SRPRA: variants seen among roughly 807,000 people sequenced by gnomAD.
The protein encoded by SRPRA is signal recognition particle receptor subunit alpha.
A neutral mutation model predicts 61.1 loss-of-function variants in SRPRA; 30 were observed. That is an observed-to-expected ratio of 0.49 (90% CI 0.37 to 0.67). The LOEUF (loss-of-function observed/expected upper bound fraction) is 0.67. SRPRA is among the 30% of genes least tolerant of loss of function. SRPRA has a pLI of 0.00. For missense variants in SRPRA, 759 were observed against 828.4 expected, an observed-to-expected ratio of 0.92 and a Z score of 1.03; for synonymous variants, 324 against 299.7, an observed-to-expected ratio of 1.08 and a Z score of -0.84.
chr11:126,265,986 T>C lies in SRPRA; in HGVS notation c.1028A>G (p.Asp343Gly). The change falls in exon 8 of 14, where the codon GAC becomes GGC. Residue 343 changes from aspartate to glycine, a missense_variant. By Grantham distance (94) the Asp-to-Gly change is moderately conservative. This residue lies in a region of SRPRA where 475 missense variants were observed against 462.5 expected (regional missense o/e 1.03). Transcript: ENST00000332118. The surrounding 1 kb of genome is among the most constrained non-coding windows in gnomAD (Gnocchi z 6.3). ...ACCAATGAGATGATCACGCATCTTGTCCAGCACAGATTCCATGTCTTCACG... is the reference window on the plus strand; with the variant it reads ...ACCAATGAGATGATCACGCATCTTGCCCAGCACAGATTCCATGTCTTCACG... ...LSREDMESVLDKMRDHLIAKN... is the reference protein window; with the variant it reads ...LSREDMESVLGKMRDHLIAKN... 1 of 1,614,178 alleles carries C rather than the reference T, an allele frequency of 6.2e-7. No homozygotes were observed. Among genetic ancestry groups the C allele is most frequent in the Non-Finnish European group, 8.5e-7 (1 of 1,180,036 alleles).
chr11:126,237,078 G>A, the SRPRA span, among the ~76,000 whole-genome samples: 681 of 150,124 alleles, frequency 4.5e-3, 3 homozygotes, highest in Non-Finnish European at 6.1e-3. Context: ...CACCATGCCC[G>A]GCTAATTTTT....
chr11:126,251,566 A>T, the SRPRA span, among the ~76,000 whole-genome samples: 1 of 152,158 alleles, frequency 6.6e-6, no homozygotes, highest in African/African-American at 2.4e-5. Context: ...TCTTCCGCCT[A>T]CGCCCTCATA....
rs765688800 is a variant in SRPRA at position 126,264,081 on chromosome 11, C to A, written c.1789-37G>T. On this transcript the variant is annotated intron_variant, in intron 13 of 13. Transcript: ENST00000332118. This position sits in a 1 kb window ranked among gnomAD's most constrained non-coding sequence, Gnocchi z 5.0. ...AAGAGGACAGCCCATCAACACAAGC[C>A]CACTTTTCACTCACCCTCTCAGGAA... 6.2e-7 allele frequency: 1 copy of A among 1,613,784 alleles called. No homozygotes were observed.
At chr11:126,261,568 C>A, downstream of SRPRA, 1 of 1,167,118 alleles carries the variant, frequency 8.6e-7, no homozygotes, top group Non-Finnish European at 1.3e-6. Context: ...GAGAATGTTA[C>A]TTTGGACCTC....
chr11:126,264,297 GAA>G lies in SRPRA; in HGVS notation c.1690-10_1690-9del, dbSNP rs1252084337. ...GGCTCTGTTGAACTTGACCTGGAAA[GAA>G]AAAGTGATAGAAGTGTAAGAACCAT... is the stretch of plus-strand genomic sequence containing the variant. On this transcript the variant is annotated splice_polypyrimidine_tract_variant and intron_variant, in intron 12 of 13. Coordinates refer to ENST00000332118, the MANE Select transcript of SRPRA (RefSeq NM_003139.4). The surrounding 1 kb of genome is among the most constrained non-coding windows in gnomAD (Gnocchi z 5.0). The G allele has an allele frequency of 6.2e-7, 1 of 1,613,152 alleles. No homozygotes were observed.
At chr11:126,240,074 T>C in the SRPRA span, among the ~76,000 whole-genome samples, 1 of 152,016 alleles carries the variant, frequency 6.6e-6, no homozygotes, top group Non-Finnish European at 1.5e-5. Context: ...GTCTCCAGAA[T>C]GAAAGAGAGG....
the SRPRA span, among the ~76,000 whole-genome samples, chr11:126,249,297 A>C: frequency 6.6e-6 from 1 of 152,214 alleles, no homozygotes; most frequent in Non-Finnish European, 1.5e-5. Context: ...AATTTAAAAA[A>C]CGTATTAAAT....
chr11:126,250,634 A>C, the SRPRA span: 1 of 1,614,138 alleles, frequency 6.2e-7, no homozygotes, highest in East Asian at 2.2e-5. This position sits in a 1 kb window ranked among gnomAD's most constrained non-coding sequence, Gnocchi z 5.1. Flanking sequence ...TGGAAAATGG[A>C]GCCCTCGTAT....
chr11:126,256,867 G>T, the SRPRA span: 1 of 1,598,656 alleles, frequency 6.3e-7, no homozygotes, highest in Non-Finnish European at 8.5e-7. This position sits in a 1 kb window ranked among gnomAD's most constrained non-coding sequence, Gnocchi z 6.6. Flanking sequence ...GATGCATTTT[G>T]AAGCTGAGGG....
At chr11:126,256,795 G>A in the SRPRA span, 4 of 1,612,192 alleles carry the variant, frequency 2.5e-6, no homozygotes, top group Non-Finnish European at 2.5e-6. This position sits in a 1 kb window ranked among gnomAD's most constrained non-coding sequence, Gnocchi z 6.6. Context: ...TGACTATGCC[G>A]ATCTTCCAGA....
the SRPRA span, among the ~76,000 whole-genome samples, chr11:126,257,572 A>T: frequency 1.3e-5 from 2 of 151,438 alleles, no homozygotes; most frequent in Non-Finnish European, 2.9e-5. Flanking sequence ...GGTTGTAAAT[A>T]CCATGGTCAG....
chr11:126,246,781 T>A, the SRPRA span, among the ~76,000 whole-genome samples: 1 of 152,142 alleles, frequency 6.6e-6, no homozygotes, highest in Non-Finnish European at 1.5e-5. Flanking sequence ...TAGAAGGAAA[T>A]GAAGGTCACT....
chr11:126,267,064 A>G lies in SRPRA; in HGVS notation c.526+111T>C. ...AAGGCCTGGGGATTATAGGATGGTGACCATTTGAGTGAGAAGCAGGTAAGC... is the reference window on the plus strand; with the variant it reads ...AAGGCCTGGGGATTATAGGATGGTGGCCATTTGAGTGAGAAGCAGGTAAGC... On this transcript the variant is annotated intron_variant, in intron 4 of 13. Transcript: ENST00000332118. The surrounding 1 kb of genome is among the most constrained non-coding windows in gnomAD (Gnocchi z 4.2). The G allele has an allele frequency of 6.5e-7, 1 of 1,527,350 alleles. No homozygotes were observed. Among genetic ancestry groups the G allele is most frequent in the Non-Finnish European group, 8.8e-7 (1 of 1,131,164 alleles). The allele number at this position is 1,527,350 out of a possible 1,614,324, so 94.6% of individuals were successfully genotyped here.
chr11:126,244,735 A>G, the SRPRA span, among the ~76,000 whole-genome samples: 124,615 of 152,094 alleles, frequency 0.82, 51,325 homozygotes, highest in East Asian at 1. The surrounding 1 kb of genome is among the most constrained non-coding windows in gnomAD (Gnocchi z 4.5). Context: ...ACCTGGGAGC[A>G]GAGGTTGCAG....
At position 126,264,617 on chromosome 11, in the gene SRPRA, T is replaced by G. The variant is rs868028518; in HGVS notation, c.1526-78A>C. The G allele has an allele frequency of 2.0e-6, 3 of 1,522,324 alleles. No individual in the cohort carries two copies. Among genetic ancestry groups the G allele is most frequent in the Non-Finnish European group, 2.7e-6 (3 of 1,121,476 alleles). 94.3% of individuals were successfully genotyped at this position (1,522,324 alleles called of 1,614,324 possible). A position where few individuals can be genotyped will look rare whatever the true frequency, so the allele number is the denominator to read the frequency against. ...TTCCCAGCTTCCTCTCAAAAAGTCC[T>G]AGTTTGACTACCTGTTCACTGTCTT... is the stretch of plus-strand genomic sequence containing the variant. On this transcript the variant is annotated intron_variant, in intron 11 of 13. Transcript: ENST00000332118. The surrounding 1 kb of genome is among the most constrained non-coding windows in gnomAD (Gnocchi z 5.0).
rs1950771038 is a variant in SRPRA at position 126,264,635 on chromosome 11, A to G, written c.1526-96T>C. ...AAAGTCCTAGTTTGACTACCTGTTC[A>G]CTGTCTTGGGCTCTGGATTTGGTTC... On this transcript the variant is annotated intron_variant, in intron 11 of 13. Coordinates refer to ENST00000332118, the MANE Select transcript of SRPRA (RefSeq NM_003139.4). The surrounding 1 kb of genome is among the most constrained non-coding windows in gnomAD (Gnocchi z 5.0). The G allele has an allele frequency of 7.0e-7, 1 of 1,432,572 alleles. No homozygotes were observed. Among genetic ancestry groups the G allele is most frequent in the Non-Finnish European group, 9.5e-7 (1 of 1,053,118 alleles). The allele number at this position is 1,432,572 out of a possible 1,614,324, so 88.7% of individuals were successfully genotyped here.
the SRPRA span, among the ~76,000 whole-genome samples, chr11:126,247,338 G>T: frequency 6.6e-6 from 1 of 152,134 alleles, no homozygotes; most frequent in Non-Finnish European, 1.5e-5. Flanking sequence ...AATCAATGCA[G>T]TTGCAGAATC....
At chr11:126,266,148 G>A in intron 7 of SRPRA, 39 bp downstream of exon 7, 1 of 1,612,352 alleles carries the variant, frequency 6.2e-7, no homozygotes, top group Non-Finnish European at 8.5e-7. Flanking sequence ...TACCAGTTTT[G>A]CAGATGCATA....
the SRPRA span, among the ~76,000 whole-genome samples, chr11:126,256,173 T>C: frequency 6.6e-6 from 1 of 152,052 alleles, no homozygotes; most frequent in Non-Finnish European, 1.5e-5. The surrounding 1 kb of genome is among the most constrained non-coding windows in gnomAD (Gnocchi z 6.6). Flanking sequence ...GGCTGAGGCA[T>C]GAGAGTCACT....
Sources: gnomAD v4.1 joint callset for allele counts (sites outside exome capture counted in the v4.1 genomes callset) on GRCh38, gnomAD v4.1.1 for gene constraint, gnomAD v4.1.1 regional missense constraint, Gnocchi (gnomAD v3.1) non-coding constraint, MANE v1.5 for transcripts, NCBI Gene and HGNC (gene_info 2026-07-23, HGNC 2026-07-21) for gene names.